Variants in GABRR3 observed in about 807,000 individuals in gnomAD.
GABRR3 encodes gamma-aminobutyric acid receptor subunit rho-3.
In GABRR3, 29 loss-of-function variants were observed where a neutral mutation model predicts 43.2. That is an observed-to-expected ratio of 0.67 (90% confidence interval 0.50 to 0.92). GABRR3 has a LOEUF of 0.92. GABRR3 is among the 40% of genes least tolerant of loss of function. The pLI is 0.00. For missense variants in GABRR3, 576 were observed against 572.3 expected, an observed-to-expected ratio of 1.01 and a Z score of -0.07; for synonymous variants, 206 against 195.9, an observed-to-expected ratio of 1.05 and a Z score of -0.43.
At chr3:97,996,362 G>T (rs553871765) in intron 8 of GABRR3, among the ~76,000 whole-genome samples, 2 of 152,232 alleles carry the variant, frequency 1.3e-5, no homozygotes, top group South Asian at 4.1e-4. Context: ...TCATGAAGGT[G>T]GTACAAATAA....
intron 4 of GABRR3, among the ~76,000 whole-genome samples, chr3:98,013,481 T>C (rs1264260453): frequency 6.6e-6 from 1 of 152,232 alleles, no homozygotes; most frequent in Non-Finnish European, 1.5e-5. Context: ...CCTACTATTT[T>C]GCAATTGCTT....
At chr3:98,034,607 T>TA (rs759043143) in intron 2 of GABRR3, among the ~76,000 whole-genome samples, 1 of 152,142 alleles carries the variant, frequency 6.6e-6, no homozygotes, top group African/African-American at 2.4e-5. Flanking sequence ...AGAGGATCCT[T>TA]ACATGAACCC....
At chr3:98,035,106 G>C in intron 1 of GABRR3, 84 bp downstream of exon 1, 2 of 1,251,360 alleles carry the variant, frequency 1.6e-6, no homozygotes, top group Non-Finnish European at 2.2e-6. Context: ...ATGCATTAGG[G>C]GAAAAAGAAA....
chr3:98,018,000 T>A (rs368501919), intron 3 of GABRR3, among the ~76,000 whole-genome samples: 865 of 69,334 alleles, frequency 0.012, 5 homozygotes, highest in African/African-American at 0.029. Flanking sequence ...GTGCCTCCAG[T>A]TTTCTTTTTT....
chr3:98,033,223 T>G (rs1707112335), intron 2 of GABRR3, among the ~76,000 whole-genome samples: 1 of 152,136 alleles, frequency 6.6e-6, no homozygotes, highest in Non-Finnish European at 1.5e-5. Context: ...AGATATAAAT[T>G]TTAATGAATC....
At chr3:98,009,949 A>G (rs1246188093) in intron 5 of GABRR3, among the ~76,000 whole-genome samples, 1 of 152,202 alleles carries the variant, frequency 6.6e-6, no homozygotes, top group African/African-American at 2.4e-5. Context: ...CCTTCATAGT[A>G]CATGTGAGTG....
At chr3:97,990,612 G>A (rs1192465643) in intron 9 of GABRR3, among the ~76,000 whole-genome samples, 2 of 152,160 alleles carry the variant, frequency 1.3e-5, no homozygotes, top group African/African-American at 4.8e-5. Context: ...CTCCCAAAGT[G>A]CTGGGATTAC....
At position 98,025,696 on chromosome 3, in the gene GABRR3, A is replaced by G. The variant is rs558209431; in HGVS notation, c.126-17T>C. ...TCTTGTTTGCTGTTCCCCCAAAGGG[A>G]AAAAAAAAACTTCTGAGATACATAT... On this transcript the variant is annotated splice_polypyrimidine_tract_variant and intron_variant, in intron 2 of 9. Coordinates refer to ENST00000621172, the Ensembl canonical transcript of GABRR3. The G allele has an allele frequency of 2.3e-4, 330 of 1,456,206 alleles. No homozygotes were observed. The African/African-American group carries it at 2.7e-3, about 12-fold the overall frequency. 90.2% of individuals were successfully genotyped at this position (1,456,206 alleles called of 1,614,324 possible).
chr3:97,997,196 T>C (rs1014362007), intron 8 of GABRR3, among the ~76,000 whole-genome samples: 1 of 152,172 alleles, frequency 6.6e-6, no homozygotes, highest in African/African-American at 2.4e-5. Flanking sequence ...CCATGTGTGC[T>C]TGGAGTCATC....
chr3:98,025,378 GT>G (rs1442658851), intron 3 of GABRR3, among the ~76,000 whole-genome samples, 188 bp downstream of exon 3: 1 of 152,174 alleles, frequency 6.6e-6, no homozygotes, highest in East Asian at 1.9e-4. Flanking sequence ...AGGAAAATGA[GT>G]TTTTTTGGTC....
At chr3:98,033,559 C>T (rs1707117628) in intron 2 of GABRR3, among the ~76,000 whole-genome samples, 2 of 152,114 alleles carry the variant, frequency 1.3e-5, no homozygotes, top group Admixed American at 6.6e-5. Flanking sequence ...CTATAGTCAT[C>T]TCTCTTCTCC....
At chr3:97,986,123 C>A (rs980909538), downstream of GABRR3, among the ~76,000 whole-genome samples, 1 of 152,162 alleles carries the variant, frequency 6.6e-6, no homozygotes, top group Non-Finnish European at 1.5e-5. Flanking sequence ...ACCTCGGCCT[C>A]CCAAAGTGCT....
intron 4 of GABRR3, among the ~76,000 whole-genome samples, chr3:98,016,480 C>T (rs562576536): frequency 2.6e-5 from 4 of 152,254 alleles, no homozygotes; most frequent in Admixed American, 2.6e-4. Flanking sequence ...CGGTGTCATG[C>T]TCCTTGTATG....
At chr3:98,007,973 T>C in intron 6 of GABRR3, 69 bp from the exon 7 acceptor site, 1 of 1,306,482 alleles carries the variant, frequency 7.7e-7, no homozygotes, top group Non-Finnish European at 1.0e-6. Context: ...TCTATAACCA[T>C]GTCTTATGTG....
At chr3:98,031,995 G>T (rs1417893484) in intron 2 of GABRR3, among the ~76,000 whole-genome samples, 4 of 151,908 alleles carry the variant, frequency 2.6e-5, no homozygotes, top group African/African-American at 9.7e-5. Flanking sequence ...TATTTCCATG[G>T]TGTAAATACT....
At chr3:98,012,874 G>T (rs754373416) in intron 4 of GABRR3, among the ~76,000 whole-genome samples, 2 of 152,172 alleles carry the variant, frequency 1.3e-5, no homozygotes, top group African/African-American at 4.8e-5. Flanking sequence ...ATAACCTAAA[G>T]AGATTTCAGA....
chr3:98,003,099 T>C (rs1198945483), intron 7 of GABRR3, among the ~76,000 whole-genome samples: 4 of 152,118 alleles, frequency 2.6e-5, no homozygotes, highest in Admixed American at 2.6e-4. Context: ...AAAATATACA[T>C]CACATAGTAC....
chr3:98,018,171 G>A (rs1204186141), intron 3 of GABRR3, among the ~76,000 whole-genome samples: 1 of 152,084 alleles, frequency 6.6e-6, no homozygotes, highest in East Asian at 1.9e-4. Context: ...TCCTTGACGT[G>A]GGCAATGTTG....
chr3:98,011,346 A>G (rs561918375), intron 5 of GABRR3, among the ~76,000 whole-genome samples: 1 of 152,214 alleles, frequency 6.6e-6, no homozygotes, highest in Non-Finnish European at 1.5e-5. Flanking sequence ...CTCTGAAATC[A>G]GTATCATGGA....
Sources: gnomAD v4.1 joint callset for allele counts (sites outside exome capture counted in the v4.1 genomes callset) on GRCh38, gnomAD v4.1.1 for gene constraint, MANE v1.5 for transcripts, NCBI Gene and HGNC (gene_info 2026-07-23, HGNC 2026-07-21) for gene names.